CNBD1: variants seen among roughly 807,000 people sequenced by gnomAD.
The protein encoded by CNBD1 is cyclic nucleotide binding domain containing 1, also known as cyclic nucleotide-binding domain-containing protein 1.
CNBD1 carries 71 observed loss-of-function variants against 54.4 expected under a neutral mutation model. The observed-to-expected ratio is 1.30, with a 90% CI of 1.08 to 1.59. The LOEUF (loss-of-function observed/expected upper bound fraction) is 1.59. Among genes scored for constraint, CNBD1 ranks in the 40% most tolerant of loss-of-function variants. The pLI, the probability that CNBD1 is intolerant of heterozygous loss-of-function variation, is 0.00. For synonymous variants in CNBD1, 182 were observed against 170.7 expected (o/e 1.07, Z -0.51); for missense variants, 659 against 518.0 (o/e 1.27, Z -2.64).
At position 87,375,964 on chromosome 8, in the gene CNBD1, C is replaced by T. The variant is rs151146536; in HGVS notation, c.1304-6656C>T. Among the ~76,000 whole-genome samples, 898 of 151,554 alleles carry T rather than the reference C, an allele frequency of 5.9e-3. 1 individual carries two copies. Among genetic ancestry groups the T allele is most frequent in the African/African-American group, 0.012 (512 of 41,364 alleles). On this transcript the variant is annotated intron_variant, in intron 10 of 10. Transcript: ENST00000518476. Reference sequence around the variant, plus strand: ...CTTGCAGGAAGAATTGTACTTTCTGCGATAAAAATTTAATGGGCTAATATT... The same window carrying T: ...CTTGCAGGAAGAATTGTACTTTCTGTGATAAAAATTTAATGGGCTAATATT...
chr8:87,377,156 TATA>T (rs201118705), intron 10 of CNBD1, among the ~76,000 whole-genome samples: 2,154 of 150,306 alleles, frequency 0.014, 51 homozygotes, highest in African/African-American at 0.047. Flanking sequence ...GATTATTATT[TATA>T]TTATTATTAT....
chr8:87,238,426 A>G (rs1006644821), intron 6 of CNBD1, among the ~76,000 whole-genome samples: 2 of 152,044 alleles, frequency 1.3e-5, no homozygotes, highest in Admixed American at 1.3e-4. Context: ...CCAAACCAAA[A>G]CTTTACTTTT....
intron 4 of CNBD1, chr8:87,044,492 A>G (rs1810140254): frequency 6.6e-6 from 1 of 152,162 alleles, no homozygotes; most frequent in African/African-American, 2.4e-5. Flanking sequence ...TTTAATAAGC[A>G]AAAGAAGACA....
chr8:87,146,645 A>C (rs1195306179), intron 4 of CNBD1, among the ~76,000 whole-genome samples: 1 of 152,142 alleles, frequency 6.6e-6, no homozygotes, highest in Non-Finnish European at 1.5e-5. Context: ...CAGCCACAGC[A>C]TAGGAATTTT....
chr8:87,185,666 C>A (rs1006179427), intron 4 of CNBD1, among the ~76,000 whole-genome samples: 2 of 152,108 alleles, frequency 1.3e-5, no homozygotes, highest in Admixed American at 1.3e-4. Context: ...GTGTGAGCTC[C>A]AGATATTGTT....
At chr8:87,260,093 C>G (rs1808105692) in intron 6 of CNBD1, among the ~76,000 whole-genome samples, 1 of 152,128 alleles carries the variant, frequency 6.6e-6, no homozygotes, top group African/African-American at 2.4e-5. Flanking sequence ...AAAATCTTAG[C>G]TACTGAGCTA....
intron 5 of CNBD1, among the ~76,000 whole-genome samples, chr8:87,229,938 A>C (rs956166774): frequency 6.6e-6 from 1 of 152,202 alleles, no homozygotes; most frequent in African/African-American, 2.4e-5. Flanking sequence ...GCTGTAAAGG[A>C]ATACCTGAGA....
intron 8 of CNBD1, among the ~76,000 whole-genome samples, chr8:87,318,474 T>C (rs1809448124): frequency 6.6e-6 from 1 of 152,100 alleles, no homozygotes; most frequent in African/African-American, 2.4e-5. Flanking sequence ...CTGCATACTC[T>C]GTCCAATACA....
intron 4 of CNBD1, among the ~76,000 whole-genome samples, chr8:86,959,450 G>C (rs531187453): frequency 6.6e-6 from 1 of 152,156 alleles, no homozygotes; most frequent in Admixed American, 6.5e-5. Context: ...GTGTTTTCCA[G>C]CTTGGTTCCA....
intron 10 of CNBD1, among the ~76,000 whole-genome samples, chr8:87,366,403 C>T (rs181868165): frequency 8.5e-5 from 13 of 152,186 alleles, no homozygotes; most frequent in Non-Finnish European, 1.3e-4. Flanking sequence ...CCTGCTCCAT[C>T]CATCTGGCCC....
chr8:87,031,198 T>G (rs969496331), intron 4 of CNBD1, among the ~76,000 whole-genome samples: 3 of 151,828 alleles, frequency 2.0e-5, no homozygotes, highest in Non-Finnish European at 4.4e-5. Context: ...CTGAAGTGTC[T>G]TTCTCAGTGA....
At chr8:86,938,569 G>A (rs1312072633) in intron 3 of CNBD1, among the ~76,000 whole-genome samples, 1 of 152,214 alleles carries the variant, frequency 6.6e-6, no homozygotes, top group Non-Finnish European at 1.5e-5. Context: ...CAGGCAAATA[G>A]AGACCTTGTG....
intron 6 of CNBD1, among the ~76,000 whole-genome samples, chr8:87,260,826 A>G (rs1458360922): frequency 6.6e-6 from 1 of 152,002 alleles, no homozygotes; most frequent in Admixed American, 6.6e-5. Flanking sequence ...GTAAGACTTT[A>G]CTGCCTCCTA....
At chr8:87,353,863 AT>A (rs1404788857) in intron 10 of CNBD1, 77 bp downstream of exon 10, 1 of 1,031,150 alleles carries the variant, frequency 9.7e-7, no homozygotes, top group African/African-American at 1.6e-5. Context: ...TTTTTTCCTT[AT>A]TAATCAGATG....
chr8:87,393,362 A>T lies in CNBD1; in HGVS notation c.214-35184A>T, dbSNP rs369754871. On this transcript the variant is annotated intron_variant, in intron 2 of 7. Coordinates refer to the CNBD1 transcript ENST00000521593. The stretch of plus-strand genomic sequence containing the variant: ...CCATCTGTGCTGCCAATTAGATAAG[A>T]TGTGACCAAGTCATCTTAATTCCTT... Among the ~76,000 whole-genome samples, 10 of 152,024 alleles carry T rather than the reference A, an allele frequency of 6.6e-5. 1 individual carries two copies. In the East Asian group the frequency reaches 9.7e-4, roughly 15 times the overall value.
chr8:87,256,736 A>G (rs2130844862), intron 6 of CNBD1, among the ~76,000 whole-genome samples: 1 of 80,504 alleles, frequency 1.2e-5, no homozygotes, highest in Non-Finnish European at 2.6e-5. Flanking sequence ...CAAGGATGTC[A>G]TCTTTTCTTG....
intron 6 of CNBD1, among the ~76,000 whole-genome samples, chr8:87,242,310 A>G (rs980882570): frequency 6.6e-6 from 1 of 152,150 alleles, no homozygotes; most frequent in South Asian, 2.1e-4. Flanking sequence ...CTGATACAAG[A>G]GAAAATTAGC....
At chr8:87,014,589 CTA>C (rs930500253) in intron 4 of CNBD1, among the ~76,000 whole-genome samples, 11 of 151,694 alleles carry the variant, frequency 7.3e-5, no homozygotes, top group African/African-American at 2.7e-4. Flanking sequence ...TCTAGGTAAA[CTA>C]CAAGATTAAT....
At chr8:87,069,047 A>C (rs939616191) in intron 4 of CNBD1, among the ~76,000 whole-genome samples, 1 of 152,114 alleles carries the variant, frequency 6.6e-6, no homozygotes, top group Non-Finnish European at 1.5e-5. Context: ...GAAAAGGGAC[A>C]AGTCTTTGTT....
Sources: gnomAD v4.1 joint callset for allele counts (sites outside exome capture counted in the v4.1 genomes callset) on GRCh38, gnomAD v4.1.1 for gene constraint, MANE v1.5 for transcripts, NCBI Gene and HGNC (gene_info 2026-07-23, HGNC 2026-07-21) for gene names.